KCNJ8: variants seen among roughly 807,000 people sequenced by gnomAD.
KCNJ8 encodes ATP-sensitive inward rectifier potassium channel 8.
A neutral mutation model predicts 28.2 loss-of-function variants in KCNJ8; 13 were observed. The ratio of observed to expected loss-of-function variants is 0.46; its 90% CI spans 0.30 to 0.73. The LOEUF (loss-of-function observed/expected upper bound fraction) is 0.73. Ranked by LOEUF, KCNJ8 falls within the 30% of genes least tolerant of loss-of-function variation. The probability of loss-of-function intolerance (pLI) is 0.07; values close to 1 mark genes in which losing one functional copy is unlikely to be tolerated. For synonymous variants in KCNJ8, 188 were observed against 195.9 expected (o/e 0.96, Z 0.34); for missense variants, 284 against 542.6 (o/e 0.52, Z 4.73).
intron 2 of KCNJ8, among the ~76,000 whole-genome samples, chr12:21,771,378 T>C (rs928113328): frequency 1.3e-5 from 2 of 152,246 alleles, no homozygotes; most frequent in Non-Finnish European, 2.9e-5. Flanking sequence ...TGTTTCTTTG[T>C]TCTGTTACAG....
At chr12:21,768,847 A>T (rs1209020898) in intron 2 of KCNJ8, among the ~76,000 whole-genome samples, 2 of 152,308 alleles carry the variant, frequency 1.3e-5, no homozygotes, top group Non-Finnish European at 2.9e-5. Flanking sequence ...GAAGGATGAG[A>T]GGTGAGGAAG....
In KCNJ8 at chr12:21,773,682, T is replaced by A. The variant is rs74069152; in HGVS notation, c.-66A>T. ...CTGCCTCTCCGTCCCTGGACACCCG[T>A]CCTCCTGCACGAGGGAAACATTTAT... On this transcript the variant is annotated 5_prime_UTR_variant, in exon 2 of 3. Transcript: ENST00000240662. The surrounding 1 kb of genome is among the most constrained non-coding windows in gnomAD (Gnocchi z 4.6). The A allele has an allele frequency of 5.5e-3, 8,772 of 1,599,818 alleles. 449 individuals are homozygous for A. In the African/African-American group the frequency reaches 0.1, roughly 19 times the overall value.
At position 21,765,367 on chromosome 12, in the gene KCNJ8, C is replaced by T. The variant is rs926190091; in HGVS notation, c.*356G>A. ...AGTAACACAGCGATCTGGGTTTCAC[C>T]AACTAAGCATTTCAAACAGACTCAT... On this transcript the variant is annotated 3_prime_UTR_variant, in exon 3 of 3. Coordinates refer to ENST00000240662, the MANE Select transcript of KCNJ8 (RefSeq NM_004982.4). 5 of 348,996 alleles carry T rather than the reference C, an allele frequency of 1.4e-5. No homozygotes were observed. The allele number at this position is 348,996 out of a possible 1,614,324, so 21.6% of individuals were successfully genotyped here.
Position 21,766,787 on chromosome 12 carries a change from A to AATT in KCNJ8, c.375-165_375-164insAAT. The AATT allele has an allele frequency of 1.5e-6, 1 of 665,152 alleles. No individual in the cohort carries two copies. The highest frequency in any genetic ancestry group is 2.7e-6 in the Non-Finnish European group (1 of 373,578). 41.2% of individuals were successfully genotyped at this position (665,152 alleles called of 1,614,324 possible). On this transcript the variant is annotated intron_variant, in intron 2 of 2. Coordinates refer to ENST00000240662, the MANE Select transcript of KCNJ8 (RefSeq NM_004982.4). The surrounding 1 kb of genome is among the most constrained non-coding windows in gnomAD (Gnocchi z 6.5). ...ATGCCTAATTCTAAACTGTGTTTAG[A>AATT]ACAGTCTCTCTCTCTCTTGCATGCA...
chr12:21,766,334 T>C lies in KCNJ8; in HGVS notation c.664A>G (p.Ser222Gly), dbSNP rs1940621309. The C allele has an allele frequency of 2.5e-6, 4 of 1,614,224 alleles. No individual in the cohort carries two copies. The highest frequency in any genetic ancestry group is 3.4e-6 in the Non-Finnish European group (4 of 1,180,044). The stretch of plus-strand genomic sequence containing the variant: ...ACCACCTGGATGCGCACAGAGGCAC[T>C]AATGATCATGCTTTTCCTCAGGTCA... ...VGDLRKSMII[S>G]ASVRIQVVKK... The change falls in exon 3 of 3, where the codon AGT becomes GGT. Residue 222 changes from serine to glycine, a missense_variant. Physicochemically the swap from Ser to Gly is moderately conservative, Grantham distance 56. This residue lies in a region of KCNJ8 where 107 missense variants were observed against 235.6 expected (regional missense o/e 0.45). Coordinates refer to ENST00000240662, the MANE Select transcript of KCNJ8 (RefSeq NM_004982.4). The surrounding 1 kb of genome is among the most constrained non-coding windows in gnomAD (Gnocchi z 6.5).
rs966132464 is a variant in KCNJ8 at position 21,765,437 on chromosome 12, AT to A, written c.*285del. 3 of 463,958 alleles carry A rather than the reference AT, an allele frequency of 6.5e-6. No homozygotes were observed. In the Admixed American group the frequency reaches 1.0e-4, roughly 16 times the overall value. The allele number at this position is 463,958 out of a possible 1,614,324, so 28.7% of individuals were successfully genotyped here. ...CTCAAGGCCTGTTACTATTAGTGTA[AT>A]TCTTGTGTTTCAAATTGAGAGAAAC... On this transcript the variant is annotated 3_prime_UTR_variant, in exon 3 of 3. Transcript: ENST00000240662.
chr12:21,766,296 A>C lies in KCNJ8; in HGVS notation c.702T>G (p.Thr234=). ...SVRIQVVKKT[T]TPEGEVVPIH... is the part of the protein sequence containing the mutation. Reference sequence around the variant, plus strand: ...TAGGAACCACCTCCCCTTCAGGTGTAGTTGTTTTCTTGACCACCTGGATGC... The same window carrying C: ...TAGGAACCACCTCCCCTTCAGGTGTCGTTGTTTTCTTGACCACCTGGATGC... Residue 234 remains threonine (T), a synonymous_variant, in exon 3 of 3, where the codon ACT becomes ACG. Transcript: ENST00000240662. This position sits in a 1 kb window ranked among gnomAD's most constrained non-coding sequence, Gnocchi z 6.5. 1 of 1,614,122 alleles carries C rather than the reference A, an allele frequency of 6.2e-7. No individual in the cohort carries two copies. The highest frequency in any genetic ancestry group is 8.5e-7 in the Non-Finnish European group (1 of 1,180,002).
In KCNJ8 at chr12:21,765,489, T is replaced by C; in HGVS notation, c.*234A>G. The C allele has an allele frequency of 1.8e-6, 1 of 566,898 alleles. No individual in the cohort carries two copies. Among genetic ancestry groups the C allele is most frequent in the Non-Finnish European group, 3.2e-6 (1 of 316,778 alleles). The allele number at this position is 566,898 out of a possible 1,614,324, so 35.1% of individuals were successfully genotyped here. On this transcript the variant is annotated 3_prime_UTR_variant, in exon 3 of 3. Coordinates refer to ENST00000240662, the MANE Select transcript of KCNJ8 (RefSeq NM_004982.4). Reference sequence around the variant, plus strand: ...GAGCATACCCACCCCTGCACATAACTTAAGTATATCACTGCGAATTCTACA... The same window carrying C: ...GAGCATACCCACCCCTGCACATAACCTAAGTATATCACTGCGAATTCTACA...
Position 21,766,641 on chromosome 12 carries a change from A to G in KCNJ8, c.375-18T>C. 2.5e-6 allele frequency: 4 copies of G among 1,576,394 alleles called. No individual in the cohort carries two copies. The highest frequency in any genetic ancestry group is 3.5e-6 in the Non-Finnish European group (4 of 1,159,384). On this transcript the variant is annotated intron_variant, in intron 2 of 2. Transcript: ENST00000240662. The surrounding 1 kb of genome is among the most constrained non-coding windows in gnomAD (Gnocchi z 6.5). Reference sequence around the variant, plus strand: ...TGAAAGACCTGTGAGGAATGATATCAGAAAAGAACACCATCAGGTCACATT... The same window carrying G: ...TGAAAGACCTGTGAGGAATGATATCGGAAAAGAACACCATCAGGTCACATT...
At chr12:21,772,366 C>T (rs1044986583) in intron 2 of KCNJ8, among the ~76,000 whole-genome samples, 2 of 152,032 alleles carry the variant, frequency 1.3e-5, no homozygotes, top group Non-Finnish European at 2.9e-5. Flanking sequence ...TATAATTTAT[C>T]TCTTTCCACC....
chr12:21,774,286 GT>G (rs1940835014), intron 1 of KCNJ8, among the ~76,000 whole-genome samples: 1 of 148,248 alleles, frequency 6.7e-6, no homozygotes, highest in Admixed American at 6.7e-5. Flanking sequence ...TCTAAAAAGA[GT>G]TAAAAAGGTT....
At chr12:21,772,391 A>C (rs1940783150) in intron 2 of KCNJ8, among the ~76,000 whole-genome samples, 1 of 152,198 alleles carries the variant, frequency 6.6e-6, no homozygotes, top group African/African-American at 2.4e-5. Flanking sequence ...CCCGAAAAAA[A>C]CAAAGAAATC....
Position 21,766,400 on chromosome 12 carries a change from C to A in KCNJ8, c.598G>T (p.Ala200Ser). ...AAGCACAGCTTGCCATTTCGGACGG[C>A]AATCACAGCATGGCGGCTGAAAATC... ...TLIFSRHAVI[A>S]VRNGKLCFMF... is the part of the protein sequence containing the mutation. Residue 200 changes from alanine to serine, a missense_variant, in exon 3 of 3, where the codon GCC becomes TCC. Ala to Ser is a moderately conservative substitution (Grantham distance 99, BLOSUM62 1). This residue lies in a region of KCNJ8 where 107 missense variants were observed against 235.6 expected (regional missense o/e 0.45). Transcript: ENST00000240662. This position sits in a 1 kb window ranked among gnomAD's most constrained non-coding sequence, Gnocchi z 6.5. 1 of 1,614,170 alleles carries A rather than the reference C, an allele frequency of 6.2e-7. No homozygotes were observed. The highest frequency in any genetic ancestry group is 8.5e-7 in the Non-Finnish European group (1 of 1,180,042).
intron 2 of KCNJ8, among the ~76,000 whole-genome samples, chr12:21,771,790 CAGTA>C (rs1208375760): frequency 7.9e-5 from 12 of 152,056 alleles, no homozygotes; most frequent in African/African-American, 2.9e-4. Flanking sequence ...TTATCAGTGC[CAGTA>C]AGTTTCTTAA....
intron 2 of KCNJ8, among the ~76,000 whole-genome samples, chr12:21,771,609 C>T (rs1185371662): frequency 6.6e-6 from 1 of 152,106 alleles, no homozygotes; most frequent in Non-Finnish European, 1.5e-5. Flanking sequence ...ACATTGAATT[C>T]ACAAAGGGAA....
At position 21,773,726 on chromosome 12, in the gene KCNJ8, C is replaced by T. The variant is rs1940816905; in HGVS notation, c.-70-40G>A. ...CATTTATTAAAAACTTAAAAACCCA[C>T]CCTATCCTCACCTCTTGGGTCCTTG... On this transcript the variant is annotated intron_variant, in intron 1 of 2. Transcript: ENST00000240662. This position sits in a 1 kb window ranked among gnomAD's most constrained non-coding sequence, Gnocchi z 4.6. 4 of 1,468,774 alleles carry T rather than the reference C, an allele frequency of 2.7e-6. No individual in the cohort carries two copies. Among genetic ancestry groups the T allele is most frequent in the Non-Finnish European group, 3.8e-6 (4 of 1,064,194 alleles). The allele number at this position is 1,468,774 out of a possible 1,614,324, so 91.0% of individuals were successfully genotyped here.
Position 21,766,044 on chromosome 12 carries a change from G to T in KCNJ8, c.954C>A (p.Ile318=), listed in dbSNP as rs762408890. 1 of 1,614,130 alleles carries T rather than the reference G, an allele frequency of 6.2e-7. No individual in the cohort carries two copies. Among genetic ancestry groups the T allele is most frequent in the Non-Finnish European group, 8.5e-7 (1 of 1,180,010 alleles). The change falls in exon 3 of 3, where the codon ATC becomes ATA. Residue 318 remains isoleucine (I), a synonymous_variant. Coordinates refer to ENST00000240662, the MANE Select transcript of KCNJ8 (RefSeq NM_004982.4). The surrounding 1 kb of genome is among the most constrained non-coding windows in gnomAD (Gnocchi z 6.5). ...TGGACACAAAGCGGTGGCCCCATTG[G>T]ATCTCCTCAGCAATGTAGGAGGTTC... is the stretch of plus-strand genomic sequence containing the variant. The part of the protein sequence containing the change: ...QARTSYIAEE[I]QWGHRFVSIV...
Position 21,773,277 on chromosome 12 carries a change from C to T in KCNJ8, c.340G>A (p.Gly114Ser). Reference protein sequence around the residue: ...YMEKSGMEKSGLESTVCVTNV... With the variant: ...YMEKSGMEKSSLESTVCVTNV... Reference sequence around the variant, plus strand: ...GTCACACACACAGTGGACTCCAAACCACTTTTCTCCATTCCACTTTTCTCC... The same window carrying T: ...GTCACACACACAGTGGACTCCAAACTACTTTTCTCCATTCCACTTTTCTCC... Residue 114 changes from glycine to serine, a missense_variant, in exon 2 of 3, where the codon GGT becomes AGT. Physicochemically the swap from Gly to Ser is moderately conservative, Grantham distance 56. Coordinates refer to ENST00000240662, the MANE Select transcript of KCNJ8 (RefSeq NM_004982.4). This position sits in a 1 kb window ranked among gnomAD's most constrained non-coding sequence, Gnocchi z 4.6. 1 of 1,613,888 alleles carries T rather than the reference C, an allele frequency of 6.2e-7. No homozygotes were observed.
intron 2 of KCNJ8, among the ~76,000 whole-genome samples, chr12:21,772,629 C>T (rs1220125842): frequency 1.3e-5 from 2 of 152,194 alleles, no homozygotes; most frequent in African/African-American, 2.4e-5. Context: ...TAAAAATTAG[C>T]AATTTCTAGT....
Sources: allele counts gnomAD v4.1 joint callset (sites outside exome capture counted in the v4.1 genomes callset), GRCh38; gene constraint gnomAD v4.1.1; regional missense constraint gnomAD v4.1.1; non-coding constraint Gnocchi (gnomAD v3.1); transcripts MANE v1.5; gene names NCBI Gene and HGNC (gene_info 2026-07-23, HGNC 2026-07-21).